The following MPDZ variants were observed in gnomAD, a reference collection of about 807,000 sequenced individuals.
MPDZ encodes the protein multiple PDZ domain crumbs cell polarity complex component, also known as multiple PDZ domain protein.
Under a neutral mutation model 239.1 loss-of-function variants are expected in MPDZ, and 234 were observed. The ratio of observed to expected loss-of-function variants is 0.98; its 90% CI spans 0.88 to 1.09. The LOEUF is 1.09. Among genes scored for constraint, MPDZ ranks in the 50% least tolerant of loss-of-function variants. The pLI is 0.00. For synonymous variants in MPDZ, 1,048 were observed against 881.3 expected, an observed-to-expected ratio of 1.19 and a Z score of -3.35; for missense variants, 3,175 against 2,510.0, an observed-to-expected ratio of 1.26 and a Z score of -5.66.
intron 10 of MPDZ, among the ~76,000 whole-genome samples, chr9:13,215,349 T>TAC (rs1958162947): frequency 6.6e-6 from 1 of 151,420 alleles, no homozygotes; most frequent in Non-Finnish European, 1.5e-5. Context: ...CACATTTTGA[T>TAC]ATATATATAT....
intron 13 of MPDZ, 142 bp downstream of exon 13, chr9:13,195,979 A>G: frequency 1.9e-6 from 1 of 524,672 alleles, no homozygotes; most frequent in South Asian, 3.8e-5. Context: ...TATTACCTGG[A>G]TCACCATATT....
At chr9:13,236,380 C>T (rs1476428769) in intron 3 of MPDZ, among the ~76,000 whole-genome samples, 1 of 146,908 alleles carries the variant, frequency 6.8e-6, no homozygotes, top group African/African-American at 2.5e-5. Context: ...CAGGTTCAAA[C>T]GGTTCTCCTG....
At chr9:13,165,531 T>C in intron 22 of MPDZ, 2 of 1,142,230 alleles carry the variant, frequency 1.8e-6, no homozygotes, top group South Asian at 3.2e-5. Context: ...GTTGTTTTTT[T>C]TCCCCCTTTC....
intron 10 of MPDZ, among the ~76,000 whole-genome samples, chr9:13,216,383 T>TA (rs58797462): frequency 0.012 from 1,642 of 138,770 alleles, 8 homozygotes; most frequent in Non-Finnish European, 0.017. Flanking sequence ...TTCTGCTGAT[T>TA]AAAAAAAAAA....
chr9:13,109,067 GAAGGA>G lies in MPDZ; in HGVS notation c.5943-13_5943-9del, dbSNP rs1366123276. ...GACTTACATTGAGGAGGTCTACGGT[GAAGGA>G]AAGGAAAAAGAGGTTTTAAATTAAA... On this transcript the variant is annotated splice_polypyrimidine_tract_variant and intron_variant, in intron 45 of 46. Coordinates refer to ENST00000319217, the MANE Select transcript of MPDZ (RefSeq NM_001378778.1). 1.5e-6 allele frequency: 2 copies of G among 1,377,666 alleles called. No homozygotes were observed. Among genetic ancestry groups the G allele is most frequent in the South Asian group, 4.2e-5 (2 of 48,192 alleles). 85.3% of individuals were successfully genotyped at this position (1,377,666 alleles called of 1,614,324 possible).
At chr9:13,219,342 T>C (rs1352446232) in intron 8 of MPDZ, among the ~76,000 whole-genome samples, 1 of 152,012 alleles carries the variant, frequency 6.6e-6, no homozygotes, top group African/African-American at 2.4e-5. Context: ...TGTAAAATAA[T>C]CTAGCATGTT....
At chr9:13,250,026 T>C (rs1366850324) in intron 2 of MPDZ, among the ~76,000 whole-genome samples, 3 of 152,216 alleles carry the variant, frequency 2.0e-5, no homozygotes, top group Non-Finnish European at 4.4e-5. Flanking sequence ...AAATCAGAAT[T>C]GGGCTTACAT....
At chr9:13,223,270 C>T (rs1208268357) in intron 5 of MPDZ, among the ~76,000 whole-genome samples, 2 of 151,704 alleles carry the variant, frequency 1.3e-5, no homozygotes, top group Admixed American at 6.6e-5. Context: ...TCATTTCTAG[C>T]ATGGTAATTT....
rs530878412 is a variant in MPDZ at position 13,176,331 on chromosome 9, C to T, written c.2736G>A (p.Gln912=). Residue 912 remains glutamine, a synonymous_variant, in exon 20 of 47, where the codon CAG becomes CAA. Transcript: ENST00000319217. ...ELYTQNLLQR[Q]DENTPSVDIS... ...TGTCCACCGAAGGTGTATTCTCATC[C>T]TGTCTTTGCAGGAGATTCTGGGTAT... 1.2e-6 allele frequency: 2 copies of T among 1,608,820 alleles called. No homozygotes were observed. Among genetic ancestry groups the T allele is most frequent in the Admixed American group, 3.4e-5 (2 of 59,414 alleles).
intron 1 of MPDZ, among the ~76,000 whole-genome samples, chr9:13,254,547 GGTAT>G (rs953975317): frequency 6.6e-6 from 1 of 151,924 alleles, no homozygotes; most frequent in Middle Eastern, 3.4e-3. Context: ...CTTTATCATA[GGTAT>G]GTATTTATAA....
At chr9:13,228,689 A>G (rs1387894732) in intron 3 of MPDZ, among the ~76,000 whole-genome samples, 2 of 152,162 alleles carry the variant, frequency 1.3e-5, no homozygotes, top group Non-Finnish European at 2.9e-5. Flanking sequence ...CAAATTTCAT[A>G]ATCATAAACA....
chr9:13,204,479 T>A (rs1956770791), intron 12 of MPDZ, among the ~76,000 whole-genome samples: 1 of 152,100 alleles, frequency 6.6e-6, no homozygotes, highest in Non-Finnish European at 1.5e-5. Flanking sequence ...TAATGGGTCC[T>A]AAGTTTATAG....
At position 13,162,759 on chromosome 9, in the gene MPDZ, G is replaced by A; in HGVS notation, c.3291C>T (p.Phe1097=). Residue 1097 remains phenylalanine (F), a synonymous_variant, in exon 23 of 47, where the codon TTC becomes TTT. Transcript: ENST00000319217. ...CAGATTGTTGTCCCAAGCTTATTTT[G>A]AACTCTTCCAAATGTTCTGCAGGCA... The part of the protein sequence containing the change: ...TYVPAEHLEE[F]KISLGQQSGR... The A allele has an allele frequency of 1.2e-6, 2 of 1,610,480 alleles. No homozygotes were observed. The highest frequency in any genetic ancestry group is 1.7e-6 in the Non-Finnish European group (2 of 1,178,004).
chr9:13,188,922 A>T lies in MPDZ; in HGVS notation c.2226T>A (p.Asp742Glu). Residue 742 changes from aspartate (D) to glutamate (E), a missense_variant, in exon 17 of 47, where the codon GAT (aspartate) becomes GAA (glutamate). Physicochemically the swap from Asp to Glu is conservative, Grantham distance 45. Transcript: ENST00000319217. ...GTCGGTCACCAGGAAGAAGTCGTCC[A>T]TCCTTTTCAGCAATGCCGCCAGGCA... ...SLVPGGIAEKDGRLLPGDRLM... is the reference protein window; with the variant it reads ...SLVPGGIAEKEGRLLPGDRLM... 6.2e-7 allele frequency: 1 copy of T among 1,613,528 alleles called. No homozygotes were observed. Among genetic ancestry groups the T allele is most frequent in the Non-Finnish European group, 8.5e-7 (1 of 1,179,576 alleles).
chr9:13,122,523 CTTT>C (rs1193402258), intron 36 of MPDZ, among the ~76,000 whole-genome samples: 2 of 141,114 alleles, frequency 1.4e-5, no homozygotes. Flanking sequence ...TTTTCAAACT[CTTT>C]TTTTTTTTTT....
At chr9:13,125,158 C>T in intron 35 of MPDZ, 58 bp downstream of exon 35, 1 of 1,446,728 alleles carries the variant, frequency 6.9e-7, no homozygotes, top group Non-Finnish European at 9.2e-7. Context: ...AGCAGAAACC[C>T]TCTGCTGAGT....
At chr9:13,268,013 G>C (rs912573994) in intron 1 of MPDZ, among the ~76,000 whole-genome samples, 3 of 152,108 alleles carry the variant, frequency 2.0e-5, no homozygotes, top group African/African-American at 7.2e-5. Flanking sequence ...TCAAAATCCT[G>C]TAAGATAAGG....
At chr9:13,212,643 A>G (rs1416222541) in intron 10 of MPDZ, among the ~76,000 whole-genome samples, 1 of 151,672 alleles carries the variant, frequency 6.6e-6, no homozygotes, top group African/African-American at 2.4e-5. Context: ...TAGGTAGTAT[A>G]ATGGCAGCAA....
intron 46 of MPDZ, among the ~76,000 whole-genome samples, chr9:13,107,462 A>C (rs28362550): frequency 1.3e-5 from 2 of 152,254 alleles, no homozygotes; most frequent in South Asian, 4.1e-4. Context: ...AGGATTTTCT[A>C]TCCTGTAAAT....
Sources: allele counts gnomAD v4.1 joint callset (sites outside exome capture counted in the v4.1 genomes callset), GRCh38; gene constraint gnomAD v4.1.1; transcripts MANE v1.5; gene names NCBI Gene and HGNC (gene_info 2026-07-23, HGNC 2026-07-21).